DOCK1: variants seen among roughly 807,000 people sequenced by gnomAD.
The protein encoded by DOCK1 is dedicator of cytokinesis 1.
DOCK1 carries 138 observed loss-of-function variants against 262.7 expected under a neutral mutation model. The observed-to-expected ratio is 0.53, with a 90% CI of 0.46 to 0.61. DOCK1 has a LOEUF of 0.61. DOCK1 is among the 20% of genes least tolerant of loss of function. The pLI is 0.00. For synonymous variants in DOCK1, 866 were observed against 867.4 expected (o/e 1.00, Z 0.03); for missense variants, 1,908 against 2,370.7 (o/e 0.80, Z 4.05).
At chr10:127,369,412 C>T (rs980690719) in intron 33 of DOCK1, among the ~76,000 whole-genome samples, 11 of 152,192 alleles carry the variant, frequency 7.2e-5, no homozygotes, top group African/African-American at 2.7e-4. Flanking sequence ...AAACCAAGAT[C>T]CTTGACTCCA....
intron 27 of DOCK1, among the ~76,000 whole-genome samples, chr10:127,171,951 C>T (rs1030757368): frequency 3.9e-5 from 6 of 152,190 alleles, no homozygotes; most frequent in African/African-American, 1.4e-4. Flanking sequence ...GTGATCCACT[C>T]GCCTTGGCCT....
intron 25 of DOCK1, among the ~76,000 whole-genome samples, chr10:127,119,383 T>C (rs1051268189): frequency 2.0e-5 from 3 of 152,126 alleles, no homozygotes; most frequent in African/African-American, 7.2e-5. Context: ...CGATGGTGCG[T>C]AGAGGTGCAG....
At chr10:127,369,799 G>A (rs79585145) in intron 33 of DOCK1, among the ~76,000 whole-genome samples, 14,604 of 152,226 alleles carry the variant, frequency 0.096, 891 homozygotes, top group African/African-American at 0.18. Context: ...AAGTGCCACC[G>A]ATTAATTAGT....
intron 31 of DOCK1, among the ~76,000 whole-genome samples, chr10:127,351,692 C>T (rs1336130662): frequency 6.6e-6 from 1 of 152,054 alleles, no homozygotes; most frequent in Admixed American, 6.5e-5. Context: ...CTTTATTAGC[C>T]CTACGCTCTC....
At chr10:126,939,124 G>A (rs1006833754) in intron 1 of DOCK1, among the ~76,000 whole-genome samples, 11 of 152,034 alleles carry the variant, frequency 7.2e-5, no homozygotes, top group African/African-American at 1.9e-4. Flanking sequence ...GATGAACACC[G>A]GAAGGGATGA....
chr10:127,046,769 A>G (rs1356288448), intron 21 of DOCK1, among the ~76,000 whole-genome samples: 2 of 151,778 alleles, frequency 1.3e-5, no homozygotes, highest in African/African-American at 4.8e-5. Flanking sequence ...AAAAAAAAAA[A>G]AAAAAAAAAA....
At chr10:127,038,578 G>C (rs1053018909) in intron 19 of DOCK1, among the ~76,000 whole-genome samples, 1 of 152,186 alleles carries the variant, frequency 6.6e-6, no homozygotes, top group East Asian at 1.9e-4. Context: ...AAGTGACCAG[G>C]AGAGGTCTGT....
At chr10:127,213,621 A>G (rs1304007502) in intron 27 of DOCK1, among the ~76,000 whole-genome samples, 1 of 152,244 alleles carries the variant, frequency 6.6e-6, no homozygotes, top group African/African-American at 2.4e-5. Context: ...AAGCATTTGT[A>G]GAAGAGGGAT....
At chr10:127,092,439 A>C (rs773397533) in intron 23 of DOCK1, among the ~76,000 whole-genome samples, 1 of 152,216 alleles carries the variant, frequency 6.6e-6, no homozygotes, top group Middle Eastern at 3.2e-3. Context: ...GTTGTGCCAC[A>C]CATGGGTCCG....
intron 28 of DOCK1, among the ~76,000 whole-genome samples, chr10:127,249,782 C>T (rs984889496): frequency 1.3e-5 from 2 of 152,184 alleles, no homozygotes; most frequent in African/African-American, 4.8e-5. Context: ...CGTGACTGTA[C>T]TTCAAGATTT....
intron 24 of DOCK1, among the ~76,000 whole-genome samples, chr10:127,107,973 A>G (rs574616895): frequency 2.0e-5 from 3 of 152,274 alleles, no homozygotes; most frequent in Admixed American, 2.0e-4. Flanking sequence ...GATGGAGGGT[A>G]TCATTGACGC....
At chr10:127,102,304 C>A (rs1324266354) in intron 23 of DOCK1, among the ~76,000 whole-genome samples, 1 of 152,176 alleles carries the variant, frequency 6.6e-6, no homozygotes, top group Admixed American at 6.5e-5. Flanking sequence ...TAGTAATAGG[C>A]CTCCTTCATC....
intron 1 of DOCK1, among the ~76,000 whole-genome samples, chr10:126,935,471 G>A (rs2034502339): frequency 6.6e-6 from 1 of 152,174 alleles, no homozygotes; most frequent in Admixed American, 6.5e-5. Flanking sequence ...GCCCAGTGGG[G>A]GTCTGGCCTG....
intron 23 of DOCK1, among the ~76,000 whole-genome samples, chr10:127,063,194 T>G (rs1230226484): frequency 6.6e-6 from 1 of 152,238 alleles, no homozygotes; most frequent in Non-Finnish European, 1.5e-5. Flanking sequence ...GGTAGACGCC[T>G]CTGTTCTTCC....
chr10:127,298,824 TAGG>T (rs953291659), intron 29 of DOCK1, among the ~76,000 whole-genome samples: 15 of 152,172 alleles, frequency 9.9e-5, no homozygotes, highest in African/African-American at 3.6e-4. Flanking sequence ...CATTTTGACG[TAGG>T]AGGATACCTG....
chr10:127,447,722 T>A (rs911124062), intron 51 of DOCK1, among the ~76,000 whole-genome samples, 177 bp downstream of exon 51: 34 of 152,116 alleles, frequency 2.2e-4, no homozygotes, highest in African/African-American at 8.0e-4. Flanking sequence ...AGGACTCCAG[T>A]GGGTAAGATC....
At chr10:127,099,199 C>T (rs572912250) in intron 23 of DOCK1, among the ~76,000 whole-genome samples, 6 of 152,248 alleles carry the variant, frequency 3.9e-5, no homozygotes, top group South Asian at 4.2e-4. Context: ...AAAGAGGTCA[C>T]GACTATATAT....
chr10:127,181,527 G>A (rs778455028), intron 27 of DOCK1, among the ~76,000 whole-genome samples: 21 of 152,218 alleles, frequency 1.4e-4, no homozygotes, highest in East Asian at 3.8e-4. Flanking sequence ...AAGATAGCTA[G>A]GCAAGCAGTC....
rs929887945 is a variant in DOCK1 at position 126,995,126 on chromosome 10, G to C, written c.474-1622G>C. ...GCTCCCCAGATCCCAGACGATGGGC[G>C]GCCGGGCAGAGACGCTCCTCACTTC... On this transcript the variant is annotated intron_variant, in intron 6 of 51. Coordinates refer to ENST00000623213, the MANE Select transcript of DOCK1 (RefSeq NM_001290223.2). The surrounding 1 kb of genome is among the most constrained non-coding windows in gnomAD (Gnocchi z 5.8). Among the ~76,000 whole-genome samples the C allele has an allele frequency of 1.3e-5, 2 of 151,622 alleles. No homozygotes were observed. Among genetic ancestry groups the C allele is most frequent in the Non-Finnish European group, 2.9e-5 (2 of 67,920 alleles).
Sources: gnomAD v4.1 joint callset for allele counts (sites outside exome capture counted in the v4.1 genomes callset) on GRCh38, gnomAD v4.1.1 for gene constraint, Gnocchi (gnomAD v3.1) non-coding constraint, MANE v1.5 for transcripts, NCBI Gene and HGNC (gene_info 2026-07-23, HGNC 2026-07-21) for gene names.